Variants in SAMD4A observed in about 807,000 individuals in gnomAD.
The protein encoded by SAMD4A is sterile alpha motif domain containing 4A, also known as protein Smaug homolog 1.
In SAMD4A, 33 loss-of-function variants were observed where a neutral mutation model predicts 81.3. That is an observed-to-expected ratio of 0.41 (90% confidence interval 0.31 to 0.54). The LOEUF (loss-of-function observed/expected upper bound fraction) is 0.54, where lower values mean the gene tolerates loss of function less well. Ranked by LOEUF, SAMD4A falls within the 20% of genes least tolerant of loss-of-function variation. The probability of loss-of-function intolerance (pLI) is 0.37; values close to 1 mark genes in which losing one functional copy is unlikely to be tolerated. For missense variants in SAMD4A, 854 were observed against 951.1 expected, an observed-to-expected ratio of 0.90 and a Z score of 1.34; for synonymous variants, 389 against 382.1, an observed-to-expected ratio of 1.02 and a Z score of -0.21.
chr14:54,583,371 G>A (rs7147886), intron 2 of SAMD4A, among the ~76,000 whole-genome samples: 7,150 of 152,150 alleles, frequency 0.047, 263 homozygotes, highest in Non-Finnish European at 0.07. Context: ...GCTGAGTCTG[G>A]CAACCTTGTC....
chr14:54,765,492 G>A (rs1314494082), intron 8 of SAMD4A, among the ~76,000 whole-genome samples: 5 of 150,138 alleles, frequency 3.3e-5, no homozygotes, highest in South Asian at 2.1e-4. Flanking sequence ...GTGTGGTGGC[G>A]CACACCTGTA....
intron 2 of SAMD4A, among the ~76,000 whole-genome samples, chr14:54,598,931 C>G (rs1322620678): frequency 6.6e-6 from 1 of 152,090 alleles, no homozygotes; most frequent in Non-Finnish European, 1.5e-5. Context: ...AGTGATCCTC[C>G]TACCTCAGCC....
chr14:54,646,000 G>A (rs532101233), intron 2 of SAMD4A, among the ~76,000 whole-genome samples: 1 of 152,312 alleles, frequency 6.6e-6, no homozygotes, highest in African/African-American at 2.4e-5. Context: ...CATCTTTTAT[G>A]TGGTTATTTC....
chr14:54,699,329 GTTGTC>G (rs2140724378), intron 2 of SAMD4A, among the ~76,000 whole-genome samples: 1 of 152,322 alleles, frequency 6.6e-6, no homozygotes, highest in South Asian at 2.1e-4. Flanking sequence ...ATGTGTGAGA[GTTGTC>G]TTGTGTCAGG....
chr14:54,569,022 G>A (rs2033048978), intron 2 of SAMD4A, among the ~76,000 whole-genome samples: 1 of 151,960 alleles, frequency 6.6e-6, no homozygotes, highest in African/African-American at 2.4e-5. Flanking sequence ...GGAGGAGGCT[G>A]GGGGATGGGG....
At chr14:54,746,673 C>A (rs1030704793) in intron 4 of SAMD4A, among the ~76,000 whole-genome samples, 2 of 152,194 alleles carry the variant, frequency 1.3e-5, no homozygotes, top group Non-Finnish European at 2.9e-5. Context: ...GGATTCTGTT[C>A]ATCATCAATG....
rs57819180 is a variant in SAMD4A at position 54,576,001 on chromosome 14, C to CTTTTTTTTTTTTTT, written c.196+7913_196+7926dup. On this transcript the variant is annotated intron_variant, in intron 2 of 12. Coordinates refer to ENST00000554335, the MANE Select transcript of SAMD4A (RefSeq NM_015589.6). ...CCAGGAAAGATTTCTTTCTTTCTTT[C>CTTTTTTTTTTTTTT]TTTTTTTTTTTTTTTTTTTTTTTTT... 1.3e-3 allele frequency among the ~76,000 whole-genome samples: 107 copies of CTTTTTTTTTTTTTT among 79,994 alleles called. 13 individuals are homozygous for CTTTTTTTTTTTTTT. The highest frequency in any genetic ancestry group is 9.6e-3 in the East Asian group (19 of 1,986). The allele number at this position is 79,994 out of a possible 152,430, so 52.5% of individuals were successfully genotyped here.
intron 2 of SAMD4A, among the ~76,000 whole-genome samples, chr14:54,611,780 G>A (rs2034362150): frequency 6.6e-6 from 1 of 151,980 alleles, no homozygotes; most frequent in Non-Finnish European, 1.5e-5. Flanking sequence ...AGGAGGCTGA[G>A]GCATGAGAAT....
intron 2 of SAMD4A, among the ~76,000 whole-genome samples, chr14:54,595,202 C>A (rs931915987): frequency 6.6e-6 from 1 of 152,076 alleles, no homozygotes; most frequent in African/African-American, 2.4e-5. Flanking sequence ...CAGGTATAGC[C>A]ATTTTAGTTC....
At chr14:54,761,700 C>T (rs1235248499) in intron 7 of SAMD4A, among the ~76,000 whole-genome samples, 1 of 152,220 alleles carries the variant, frequency 6.6e-6, no homozygotes, top group African/African-American at 2.4e-5. Flanking sequence ...CCACATGGGA[C>T]AGCCTTGCCT....
chr14:54,762,611 G>T (rs1019947382), intron 7 of SAMD4A, among the ~76,000 whole-genome samples: 1 of 151,950 alleles, frequency 6.6e-6, no homozygotes, highest in Non-Finnish European at 1.5e-5. Flanking sequence ...GCGGCACATC[G>T]CCCTACTTCC....
chr14:54,787,855 T>A lies in SAMD4A; in HGVS notation c.2129-1061T>A, dbSNP rs1434125746. Among the ~76,000 whole-genome samples the A allele has an allele frequency of 2.0e-5, 3 of 152,292 alleles. No homozygotes were observed. The East Asian group carries it at 5.8e-4, about 29-fold the overall frequency. Reference sequence around the variant, plus strand: ...CCATTCTAAAATTAAATCTCATTACTCTACTGCTTATAATTCCCCAACTAC... The same window carrying A: ...CCATTCTAAAATTAAATCTCATTACACTACTGCTTATAATTCCCCAACTAC... On this transcript the variant is annotated intron_variant, in intron 12 of 12. Transcript: ENST00000554335.
chr14:54,763,048 G>A (rs972496241), intron 7 of SAMD4A, among the ~76,000 whole-genome samples: 1 of 151,612 alleles, frequency 6.6e-6, no homozygotes, highest in Non-Finnish European at 1.5e-5. Flanking sequence ...GTAGAGACGG[G>A]GTTTCACCGT....
rs118067614 is a variant in SAMD4A, at chr14:54,735,326, A to G, written c.716-1698A>G. Among the ~76,000 whole-genome samples the G allele has an allele frequency of 3.8e-3, 574 of 151,464 alleles. 1 individual carries two copies. Among genetic ancestry groups the G allele is most frequent in the Non-Finnish European group, 6.6e-3 (445 of 67,934 alleles). On this transcript the variant is annotated intron_variant, in intron 3 of 12. Coordinates refer to ENST00000554335, the MANE Select transcript of SAMD4A (RefSeq NM_015589.6). ...TTTTAAATAGTTTCTTCCCGAGTCT[A>G]TTTAGTAGCAATGCAAGCCATTTAA...
chr14:54,786,913 A>G (rs143948556), intron 12 of SAMD4A, among the ~76,000 whole-genome samples: 131 of 152,166 alleles, frequency 8.6e-4, no homozygotes, highest in African/African-American at 2.7e-3. Context: ...GTTTTTTCCC[A>G]ATGATCTCCT....
At chr14:54,685,992 A>C (rs1447135618) in intron 2 of SAMD4A, 2 of 411,500 alleles carry the variant, frequency 4.9e-6, no homozygotes, top group Non-Finnish European at 9.8e-6. Context: ...TGTGAAGCTC[A>C]TACAAAGGTC....
chr14:54,737,614 A>T (rs2037733414), intron 4 of SAMD4A, among the ~76,000 whole-genome samples: 2 of 138,436 alleles, frequency 1.4e-5, no homozygotes, highest in African/African-American at 2.7e-5. Flanking sequence ...TGGTGATAGG[A>T]TCTTCTGTTT....
intron 3 of SAMD4A, among the ~76,000 whole-genome samples, chr14:54,724,498 G>A (rs148565601): frequency 4.8e-4 from 73 of 152,298 alleles, no homozygotes; most frequent in Non-Finnish European, 7.9e-4. Context: ...ACACATAGTC[G>A]GCACTGTCAA....
intron 2 of SAMD4A, among the ~76,000 whole-genome samples, chr14:54,618,365 T>C (rs2034539218): frequency 6.6e-6 from 1 of 152,268 alleles, no homozygotes; most frequent in Non-Finnish European, 1.5e-5. Flanking sequence ...TGAGAACCAG[T>C]TGTTAAAATA....
Sources: allele counts gnomAD v4.1 joint callset (sites outside exome capture counted in the v4.1 genomes callset), GRCh38; gene constraint gnomAD v4.1.1; transcripts MANE v1.5; gene names NCBI Gene and HGNC (gene_info 2026-07-23, HGNC 2026-07-21).